The following ZC3H12B variants were observed in gnomAD, a reference collection of about 807,000 sequenced individuals.
ZC3H12B encodes probable ribonuclease ZC3H12B.
ZC3H12B carries 7 observed loss-of-function variants against 43.9 expected under a neutral mutation model. That is an observed-to-expected ratio of 0.16 (90% CI 0.09 to 0.30). ZC3H12B has a LOEUF of 0.30. ZC3H12B is among the 10% of genes least tolerant of loss of function. ZC3H12B has a pLI of 1.00. For synonymous variants in ZC3H12B, 222 were observed against 241.7 expected (o/e 0.92, Z 0.76); for missense variants, 475 against 670.2 (o/e 0.71, Z 3.22).
At chrX:65,478,253 A>G (rs933356683) in intron 3 of ZC3H12B, among the ~76,000 whole-genome samples, 7 of 112,133 alleles carry the variant, frequency 6.2e-5, no homozygotes, top group Admixed American at 1.9e-4. Context: ...TGCCCAGGCT[A>G]TATTTGAGCT....
At chrX:65,143,774 G>A in the ZC3H12B span, among the ~76,000 whole-genome samples, 1 of 107,935 alleles carries the variant, frequency 9.3e-6, no homozygotes, top group African/African-American at 3.4e-5. Context: ...TTGCCATGTT[G>A]TCCATGCTGG....
At chrX:65,224,583 C>T in the ZC3H12B span, among the ~76,000 whole-genome samples, 2 of 112,587 alleles carry the variant, frequency 1.8e-5, no homozygotes, top group African/African-American at 6.4e-5. Flanking sequence ...TTGCCTCACT[C>T]GGGAAGCACA....
At position 65,382,984 on chromosome X, in the gene ZC3H12B, C is replaced by T. The variant is rs192042718; in HGVS notation, n.295+13986C>T. Among the ~76,000 whole-genome samples the T allele has an allele frequency of 1.9e-3, 208 of 111,362 alleles. 2 individuals carry two copies. The highest frequency in any genetic ancestry group is 0.014 in the Middle Eastern group (3 of 216). ...CAAACAAATGGAAGAACATTCCATG[C>T]TCATGGGTAGGAAGAACCAATATCG... On this transcript the variant is annotated intron_variant and non_coding_transcript_variant, in intron 2 of 5. Transcript: ENST00000617377.
At chrX:65,105,927 G>T in the ZC3H12B span, among the ~76,000 whole-genome samples, 73 of 111,616 alleles carry the variant, frequency 6.5e-4, no homozygotes, top group African/African-American at 2.2e-3. Flanking sequence ...AAGAGCTCTT[G>T]GAACTGAAGT....
the ZC3H12B span, among the ~76,000 whole-genome samples, chrX:65,235,410 C>T: frequency 3.6e-5 from 4 of 112,113 alleles, no homozygotes; most frequent in African/African-American, 1.3e-4. Flanking sequence ...GATCCTACCT[C>T]ATTGTGGTTT....
At chrX:65,300,955 G>T in the ZC3H12B span, among the ~76,000 whole-genome samples, 3 of 105,210 alleles carry the variant, frequency 2.9e-5, no homozygotes, top group Non-Finnish European at 5.9e-5. Flanking sequence ...CTAATATCCA[G>T]AATCTACAAG....
chrX:65,490,742 A>G (rs1403576434), intron 1 of ZC3H12B, among the ~76,000 whole-genome samples: 1 of 111,569 alleles, frequency 9.0e-6, no homozygotes, highest in African/African-American at 3.3e-5. Context: ...AGTAATCAGG[A>G]GCCTTTTTCC....
the ZC3H12B span, among the ~76,000 whole-genome samples, chrX:65,225,177 A>G: frequency 9.0e-6 from 1 of 111,539 alleles, no homozygotes; most frequent in African/African-American, 3.3e-5. Flanking sequence ...CTGAGACAAA[A>G]CTTCCAGAGG....
chrX:65,321,156 C>A, the ZC3H12B span, among the ~76,000 whole-genome samples: 1 of 110,648 alleles, frequency 9.0e-6, no homozygotes, highest in South Asian at 3.8e-4. Context: ...TGACAGAGAT[C>A]TAATAACCAG....
chrX:65,137,170 A>G, the ZC3H12B span, among the ~76,000 whole-genome samples: 1 of 112,277 alleles, frequency 8.9e-6, no homozygotes, highest in South Asian at 3.7e-4. Context: ...AAGCCTTTAT[A>G]ATGTAAAAAA....
chrX:65,353,030 G>T, the ZC3H12B span, among the ~76,000 whole-genome samples: 2 of 110,110 alleles, frequency 1.8e-5, no homozygotes, highest in Non-Finnish European at 3.8e-5. Context: ...GTGTGTGTGT[G>T]TGTGTGTGTG....
chrX:65,095,681 G>C, the ZC3H12B span, among the ~76,000 whole-genome samples: 1 of 112,002 alleles, frequency 8.9e-6, no homozygotes, highest in Non-Finnish European at 1.9e-5. Flanking sequence ...TTCTTAACAA[G>C]TGTTCTGAAG....
the ZC3H12B span, among the ~76,000 whole-genome samples, chrX:65,361,006 G>C: frequency 8.9e-6 from 1 of 112,154 alleles, no homozygotes; most frequent in African/African-American, 3.2e-5. Flanking sequence ...CTCAAATGAG[G>C]TAAATATATG....
At chrX:65,339,043 A>T in the ZC3H12B span, among the ~76,000 whole-genome samples, 1 of 112,244 alleles carries the variant, frequency 8.9e-6, no homozygotes, top group Non-Finnish European at 1.9e-5. Flanking sequence ...AACGGCTTCC[A>T]AATAGTAAAA....
chrX:65,232,274 G>T, the ZC3H12B span, among the ~76,000 whole-genome samples: 2 of 110,685 alleles, frequency 1.8e-5, no homozygotes, highest in African/African-American at 6.6e-5. Flanking sequence ...CGTAGGACAG[G>T]TGTGAGAAAT....
the ZC3H12B span, among the ~76,000 whole-genome samples, chrX:65,077,621 T>C: frequency 8.9e-6 from 1 of 112,438 alleles, no homozygotes; most frequent in Admixed American, 9.4e-5. Flanking sequence ...CAAATCAGGT[T>C]ATTCTCGGGT....
chrX:65,426,927 A>G (rs941604055), intron 3 of ZC3H12B, among the ~76,000 whole-genome samples: 2 of 111,853 alleles, frequency 1.8e-5, no homozygotes, highest in Non-Finnish European at 3.8e-5. Context: ...TGAGAATAAT[A>G]TATATTCTGT....
At chrX:65,094,693 AAGTC>A in the ZC3H12B span, among the ~76,000 whole-genome samples, 68 of 112,730 alleles carry the variant, frequency 6.0e-4, no homozygotes, top group African/African-American at 2.1e-3. Flanking sequence ...TAAAATTAAA[AAGTC>A]AGTTTCCATT....
At chrX:65,075,772 A>T in the ZC3H12B span, among the ~76,000 whole-genome samples, 3 of 111,892 alleles carry the variant, frequency 2.7e-5, no homozygotes, top group Non-Finnish European at 5.6e-5. Context: ...GACAGAAATT[A>T]CTTCCTCAGC....
Sources: gnomAD v4.1 joint callset for allele counts (sites outside exome capture counted in the v4.1 genomes callset) on GRCh38, gnomAD v4.1.1 for gene constraint, MANE v1.5 for transcripts, NCBI Gene and HGNC (gene_info 2026-07-23, HGNC 2026-07-21) for gene names.